Variants in THUMPD2 observed in about 807,000 individuals in gnomAD.
THUMPD2 encodes the protein U6 snRNA (guanine-N(2))-methyltransferase THUMPD2.
Under a neutral mutation model 49.4 loss-of-function variants are expected in THUMPD2, and 56 were observed. That is an observed-to-expected ratio of 1.13 (90% confidence interval 0.91 to 1.41). THUMPD2 has a LOEUF of 1.41. THUMPD2 is among the 40% of genes most tolerant of loss of function. The pLI is 0.00. For missense variants in THUMPD2, 709 were observed against 594.5 expected, an observed-to-expected ratio of 1.19 and a Z score of -2.00; for synonymous variants, 237 against 205.2, an observed-to-expected ratio of 1.15 and a Z score of -1.32.
intron 6 of THUMPD2, among the ~76,000 whole-genome samples, chr2:39,759,975 A>G (rs1676607198): frequency 6.6e-6 from 1 of 152,212 alleles, no homozygotes; most frequent in Non-Finnish European, 1.5e-5. Context: ...AGAGAAGAAG[A>G]GAAATGGCAA....
chr2:39,736,991 C>A lies in THUMPD2; in HGVS notation c.1256G>T (p.Cys419Phe). The A allele has an allele frequency of 6.2e-7, 1 of 1,614,018 alleles. No homozygotes were observed. Among genetic ancestry groups the A allele is most frequent in the Non-Finnish European group, 8.5e-7 (1 of 1,180,008 alleles). ...SEDHHRRLTDCKESNIPFNSK... is the reference protein window; with the variant it reads ...SEDHHRRLTDFKESNIPFNSK... ...ATTGAAAGGGATGTTGCTCTCTTTACAATCTGTAAGGCGCCTGTGGTGATC... is the reference window on the plus strand; with the variant it reads ...ATTGAAAGGGATGTTGCTCTCTTTAAAATCTGTAAGGCGCCTGTGGTGATC... Residue 419 changes from cysteine to phenylalanine, a missense_variant, in exon 10 of 10, where the codon TGT (cysteine) becomes TTT (phenylalanine). Cys to Phe is a radical substitution (Grantham distance 205). Transcript: ENST00000505747.
chr2:39,757,537 A>C (rs1221026834), intron 6 of THUMPD2, among the ~76,000 whole-genome samples: 1 of 152,202 alleles, frequency 6.6e-6, no homozygotes, highest in Non-Finnish European at 1.5e-5. Context: ...ACCCATTTTT[A>C]TTAGGATCTC....
intron 9 of THUMPD2, among the ~76,000 whole-genome samples, chr2:39,740,598 G>A (rs925657720): frequency 5.9e-5 from 9 of 152,014 alleles, no homozygotes; most frequent in East Asian, 5.8e-4. Context: ...ATGATCATAC[G>A]CACATAATTT....
chr2:39,770,284 A>C (rs1678136317), intron 2 of THUMPD2, among the ~76,000 whole-genome samples, 165 bp from the exon 3 acceptor site: 1 of 152,130 alleles, frequency 6.6e-6, no homozygotes. Context: ...ATTTACCATA[A>C]GAATATTGTG....
At chr2:39,765,634 A>T (rs1284453859) in intron 5 of THUMPD2, among the ~76,000 whole-genome samples, 4 of 152,096 alleles carry the variant, frequency 2.6e-5, no homozygotes, top group Admixed American at 1.3e-4. Context: ...AATTGCTAAA[A>T]TATGTCCATC....
At chr2:39,769,060 G>A (rs749897663) in intron 3 of THUMPD2, 2 of 1,304,434 alleles carry the variant, frequency 1.5e-6, no homozygotes, top group African/African-American at 3.0e-5. Context: ...TGCATTTGCA[G>A]TCTAGGTCCT....
At chr2:39,778,705 G>A (rs531754721) in intron 1 of THUMPD2, among the ~76,000 whole-genome samples, 1 of 152,218 alleles carries the variant, frequency 6.6e-6, no homozygotes, top group Non-Finnish European at 1.5e-5. Flanking sequence ...ACAATCCTAT[G>A]TAGTCAAATA....
At chr2:39,756,663 C>T (rs73924934) in intron 6 of THUMPD2, among the ~76,000 whole-genome samples, 8,233 of 151,982 alleles carry the variant, frequency 0.054, 368 homozygotes, top group African/African-American at 0.12. Context: ...TGGTTAAGAA[C>T]AAGATTCCTG....
intron 8 of THUMPD2, among the ~76,000 whole-genome samples, chr2:39,747,609 TG>T (rs1363312501): frequency 6.6e-6 from 1 of 152,208 alleles, no homozygotes; most frequent in Non-Finnish European, 1.5e-5. Flanking sequence ...TTTATTATGG[TG>T]GCCCTGAAAA....
intron 9 of THUMPD2, among the ~76,000 whole-genome samples, chr2:39,738,674 T>C (rs1452007451): frequency 6.8e-6 from 1 of 147,536 alleles, no homozygotes; most frequent in Non-Finnish European, 1.5e-5. Flanking sequence ...TATATGTATA[T>C]ATACACATAT....
In THUMPD2 at chr2:39,761,368, G is replaced by A. The variant is rs753876384; in HGVS notation, c.854C>T (p.Thr285Ile). The A allele has an allele frequency of 1.9e-6, 3 of 1,613,784 alleles. No homozygotes were observed. The highest frequency in any genetic ancestry group is 2.5e-6 in the Non-Finnish European group (3 of 1,179,766). ...AYIKTAGLRSTIAWAMASLAD... is the reference protein window; with the variant it reads ...AYIKTAGLRSIIAWAMASLAD... ...CAGAGATGCCATTGCCCACGCTATT[G>A]TAGATCGCAGTCCAGCTGTCTTGAT... Residue 285 changes from threonine to isoleucine, a missense_variant, in exon 6 of 10, where the codon ACA (threonine) becomes ATA (isoleucine). Thr to Ile is a moderately conservative substitution (Grantham distance 89). Transcript: ENST00000505747.
intron 8 of THUMPD2, among the ~76,000 whole-genome samples, chr2:39,749,736 T>G: frequency 6.6e-6 from 1 of 152,168 alleles, no homozygotes; most frequent in East Asian, 1.9e-4. Context: ...TTAGCTATTC[T>G]TCCTAATGCT....
At chr2:39,771,410 T>C in intron 2 of THUMPD2, 95 bp downstream of exon 2, 1 of 1,257,574 alleles carries the variant, frequency 8.0e-7, no homozygotes, top group South Asian at 1.6e-5. Flanking sequence ...TCAATGAATA[T>C]TAAAGTGTAA....
At chr2:39,769,148 A>G (rs1169827220) in intron 3 of THUMPD2, 1 of 1,238,112 alleles carries the variant, frequency 8.1e-7, no homozygotes, top group Non-Finnish European at 1.1e-6. Context: ...GAAACCCCAA[A>G]AGCTGAGGAC....
chr2:39,771,271 T>A (rs934704627), intron 2 of THUMPD2, among the ~76,000 whole-genome samples: 2 of 152,088 alleles, frequency 1.3e-5, no homozygotes, highest in African/African-American at 2.4e-5. Flanking sequence ...AGAAGAAATG[T>A]GGCTTAGGAC....
At chr2:39,770,837 T>G (rs1217054788) in intron 2 of THUMPD2, among the ~76,000 whole-genome samples, 1 of 152,142 alleles carries the variant, frequency 6.6e-6, no homozygotes, top group Non-Finnish European at 1.5e-5. Flanking sequence ...TGCATCTTTC[T>G]TAAAATAGTT....
At position 39,779,154 on chromosome 2, in the gene THUMPD2, A is replaced by T; in HGVS notation, c.86T>A (p.Phe29Tyr). The change falls in exon 1 of 10, where the codon TTC becomes TAC. Residue 29 changes from phenylalanine to tyrosine, a missense_variant. Phe to Tyr is a conservative substitution (Grantham distance 22). Coordinates refer to ENST00000505747, the MANE Select transcript of THUMPD2 (RefSeq NM_025264.5). ...CCGCGCCCGCACCTCTCGCATTACG[A>T]ACGGCTCCAGGCCGCGACCCGCAGT... is the stretch of plus-strand genomic sequence containing the variant. ...FCTAGRGLEP[F>Y]VMREVRARLA... 6.6e-7 allele frequency: 1 copy of T among 1,519,764 alleles called. No homozygotes were observed. Among genetic ancestry groups the T allele is most frequent in the Non-Finnish European group, 8.8e-7 (1 of 1,139,472 alleles). The allele number at this position is 1,519,764 out of a possible 1,614,324, so 94.1% of individuals were successfully genotyped here.
intron 2 of THUMPD2, 64 bp downstream of exon 2, chr2:39,771,441 C>G (rs1178485570): frequency 6.7e-7 from 1 of 1,483,746 alleles, no homozygotes; most frequent in African/African-American, 1.4e-5. Context: ...TATTATCAAG[C>G]AGAAAATGTT....
intron 1 of THUMPD2, among the ~76,000 whole-genome samples, chr2:39,773,551 A>ATTTAAAAATATATATTTATAT (rs1678621745): frequency 7.8e-6 from 1 of 127,996 alleles, no homozygotes; most frequent in Non-Finnish European, 1.6e-5. Context: ...ATATATTTAT[A>ATTTAAAAATATATATTTATAT]TTTAAAAATA....
Sources: allele counts gnomAD v4.1 joint callset (sites outside exome capture counted in the v4.1 genomes callset), GRCh38; gene constraint gnomAD v4.1.1; transcripts MANE v1.5; gene names NCBI Gene and HGNC (gene_info 2026-07-23, HGNC 2026-07-21).